The following KCNQ5 variants were observed in gnomAD, a reference collection of about 807,000 sequenced individuals.
The protein encoded by KCNQ5 is potassium voltage-gated channel subfamily KQT member 5.
KCNQ5 carries 30 observed loss-of-function variants against 98.2 expected under a neutral mutation model. That is an observed-to-expected ratio of 0.31 (90% CI 0.23 to 0.41). The LOEUF is 0.41. Ranked by LOEUF, KCNQ5 falls within the 10% of genes least tolerant of loss-of-function variation. The pLI is 1.00. For missense variants in KCNQ5, 835 were observed against 1,182.5 expected (o/e 0.71, Z 4.31); for synonymous variants, 458 against 449.4 (o/e 1.02, Z -0.24).
chr6:72,948,200 G>A (rs1228030777), intron 1 of KCNQ5, among the ~76,000 whole-genome samples: 2 of 152,112 alleles, frequency 1.3e-5, no homozygotes, highest in African/African-American at 4.8e-5. Context: ...TGAAGGAGAT[G>A]TGTTAAGGTT....
At chr6:72,853,907 T>G (rs963584924) in intron 1 of KCNQ5, among the ~76,000 whole-genome samples, 2 of 152,240 alleles carry the variant, frequency 1.3e-5, no homozygotes, top group Non-Finnish European at 2.9e-5. Flanking sequence ...ATAGTTGGAT[T>G]ATTATTATGC....
intron 1 of KCNQ5, among the ~76,000 whole-genome samples, chr6:72,813,003 T>C (rs1397931758): frequency 3.3e-5 from 5 of 152,238 alleles, no homozygotes; most frequent in Non-Finnish European, 7.3e-5. Flanking sequence ...CAATATAGTA[T>C]ACACTGCCTT....
intron 1 of KCNQ5, among the ~76,000 whole-genome samples, chr6:72,800,707 A>C (rs2082953465): frequency 6.6e-6 from 1 of 151,868 alleles, no homozygotes; most frequent in African/African-American, 2.4e-5. Flanking sequence ...AGTTCTTTTA[A>C]TTGTGATGTT....
At chr6:73,166,685 G>A (rs1777815384) in intron 10 of KCNQ5, among the ~76,000 whole-genome samples, 1 of 152,160 alleles carries the variant, frequency 6.6e-6, no homozygotes, top group Non-Finnish European at 1.5e-5. Flanking sequence ...CAGTACGGGA[G>A]TCCAGAAGTC....
intron 2 of KCNQ5, among the ~76,000 whole-genome samples, chr6:73,033,047 A>C (rs749887800): frequency 5.3e-5 from 8 of 152,152 alleles, no homozygotes; most frequent in Non-Finnish European, 8.8e-5. Context: ...ACAAGAGCCA[A>C]CCCATCCCTA....
At chr6:73,127,205 A>T (rs1274106134) in intron 9 of KCNQ5, among the ~76,000 whole-genome samples, 1 of 152,224 alleles carries the variant, frequency 6.6e-6, no homozygotes, top group Non-Finnish European at 1.5e-5. Context: ...TTCCTTACAG[A>T]AGAGTAGATC....
chr6:72,963,363 G>T (rs529558076), intron 1 of KCNQ5, among the ~76,000 whole-genome samples: 23 of 152,260 alleles, frequency 1.5e-4, no homozygotes, highest in Middle Eastern at 3.4e-3. Context: ...GTCAAAATAT[G>T]ATTTGGCTAA....
At chr6:72,729,139 C>T (rs1202418933) in intron 1 of KCNQ5, among the ~76,000 whole-genome samples, 1 of 152,050 alleles carries the variant, frequency 6.6e-6, no homozygotes, top group African/African-American at 2.4e-5. Context: ...AATGGACATA[C>T]CATTATTTAT....
rs564096340 is a variant in KCNQ5, at chr6:72,751,860, A to C, written c.398+129273A>C. 4.6e-5 allele frequency among the ~76,000 whole-genome samples: 7 copies of C among 152,258 alleles called. No individual in the cohort carries two copies. In the East Asian group the frequency reaches 1.4e-3, roughly 29 times the overall value. On this transcript the variant is annotated intron_variant, in intron 1 of 13. Coordinates refer to ENST00000370398, the MANE Select transcript of KCNQ5 (RefSeq NM_019842.4). Reference sequence around the variant, plus strand: ...TAAATGATGGTCAGAAAATATTTATATAGATTTTCCCAAATCATCTGTAAG... The same window carrying C: ...TAAATGATGGTCAGAAAATATTTATCTAGATTTTCCCAAATCATCTGTAAG...
At chr6:73,190,537 G>T (rs76165844) in intron 11 of KCNQ5, 36 bp from the exon 12 acceptor site, 10 of 1,143,468 alleles carry the variant, frequency 8.7e-6, no homozygotes, top group Non-Finnish European at 1.2e-5. Context: ...TATTAACAGA[G>T]TTATAAAGAT....
intron 1 of KCNQ5, among the ~76,000 whole-genome samples, chr6:72,767,223 T>A (rs1772562414): frequency 6.6e-6 from 1 of 152,022 alleles, no homozygotes; most frequent in South Asian, 2.1e-4. Flanking sequence ...TGTTAATGCA[T>A]AATAGACATT....
intron 1 of KCNQ5, among the ~76,000 whole-genome samples, chr6:72,655,021 T>A (rs9446727): frequency 8.2e-6 from 1 of 122,336 alleles, no homozygotes; most frequent in African/African-American, 2.9e-5. Flanking sequence ...AGCCAAGGTC[T>A]GTCTGTCTTT....
At chr6:72,973,277 T>C (rs945405247) in intron 1 of KCNQ5, among the ~76,000 whole-genome samples, 9 of 147,696 alleles carry the variant, frequency 6.1e-5, no homozygotes, top group African/African-American at 1.8e-4. Flanking sequence ...TCATGGGAAA[T>C]CTTTGCACCT....
intron 1 of KCNQ5, among the ~76,000 whole-genome samples, chr6:72,922,397 C>T (rs1039041873): frequency 2.0e-5 from 3 of 151,974 alleles, no homozygotes; most frequent in African/African-American, 7.3e-5. Flanking sequence ...ATATCCTTTA[C>T]CTCATATTGT....
intron 1 of KCNQ5, among the ~76,000 whole-genome samples, chr6:72,691,499 C>G (rs1408091256): frequency 1.3e-5 from 2 of 152,130 alleles, no homozygotes. Context: ...GCAACTGGTA[C>G]TGACGCCGAA....
At chr6:73,111,498 T>C in intron 7 of KCNQ5, 95 bp downstream of exon 7, 1 of 808,596 alleles carries the variant, frequency 1.2e-6, no homozygotes, top group Non-Finnish European at 2.0e-6. Flanking sequence ...TTGGTAGAAC[T>C]ACTGCTTTGT....
intron 1 of KCNQ5, among the ~76,000 whole-genome samples, chr6:72,673,369 T>C (rs543142461): frequency 6.6e-6 from 1 of 152,226 alleles, no homozygotes; most frequent in African/African-American, 2.4e-5. Flanking sequence ...TTCCTTGAAA[T>C]ACACTTTACT....
chr6:72,624,760 T>C (rs1041774025), intron 1 of KCNQ5, among the ~76,000 whole-genome samples: 9 of 152,174 alleles, frequency 5.9e-5, no homozygotes, highest in Non-Finnish European at 1.3e-4. Flanking sequence ...TAGATAGGGG[T>C]GCTATATCCA....
At chr6:73,176,444 G>A (rs1778216908) in intron 11 of KCNQ5, among the ~76,000 whole-genome samples, 1 of 152,166 alleles carries the variant, frequency 6.6e-6, no homozygotes, top group African/African-American at 2.4e-5. Context: ...GCAGAACCAT[G>A]AGCCAATGAA....
Sources: gnomAD v4.1 joint callset for allele counts (sites outside exome capture counted in the v4.1 genomes callset) on GRCh38, gnomAD v4.1.1 for gene constraint, MANE v1.5 for transcripts, NCBI Gene and HGNC (gene_info 2026-07-23, HGNC 2026-07-21) for gene names.